Variants in RIMS2 observed in about 807,000 individuals in gnomAD.
RIMS2 encodes the protein regulating synaptic membrane exocytosis 2.
In RIMS2, 59 loss-of-function variants were observed where a neutral mutation model predicts 174.4. The observed-to-expected ratio is 0.34, with a 90% CI of 0.27 to 0.42. The LOEUF (loss-of-function observed/expected upper bound fraction) is 0.42. Among genes scored for constraint, RIMS2 ranks in the 10% least tolerant of loss-of-function variants. The probability of loss-of-function intolerance (pLI) is 1.00; values close to 1 mark genes in which losing one functional copy is unlikely to be tolerated. For synonymous variants in RIMS2, 606 were observed against 572.5 expected (o/e 1.06, Z -0.84); for missense variants, 1,620 against 1,666.3 (o/e 0.97, Z 0.48).
exon 4 of RIMS2, chr8:103,886,016 A>G: frequency 6.2e-7 from 1 of 1,613,090 alleles, no homozygotes; most frequent in Non-Finnish European, 8.5e-7. Flanking sequence ...AAAACGGGAA[A>G]AAATGGAAAC....
intron 1 of RIMS2, among the ~76,000 whole-genome samples, chr8:103,581,298 C>T (rs188449662): frequency 8.5e-5 from 13 of 152,222 alleles, no homozygotes; most frequent in African/African-American, 2.9e-4. Context: ...AAGTGGGATT[C>T]GTCCCAGGGA....
At chr8:104,248,900 T>TCTCTCTCTCTCTTTCCCTCTCTCTCTCC in intron 21 of RIMS2, 87 bp downstream of exon 27, 1 of 680,420 alleles carries the variant, frequency 1.5e-6, no homozygotes, top group East Asian at 2.7e-5. Context: ...CTTCTCTCTC[T>TCTCTCTCTCTCTTTCCCTCTCTCTCTCC]CTCTCTCTCT....
chr8:103,611,733 A>G (rs1166990242), intron 1 of RIMS2, among the ~76,000 whole-genome samples: 3 of 150,666 alleles, frequency 2.0e-5, no homozygotes, highest in African/African-American at 7.3e-5. Flanking sequence ...GAGTTTGCTT[A>G]TTTAAATGCC....
At chr8:103,609,956 T>C (rs2095309273) in intron 1 of RIMS2, among the ~76,000 whole-genome samples, 1 of 152,208 alleles carries the variant, frequency 6.6e-6, no homozygotes, top group African/African-American at 2.4e-5. Context: ...ATTATTCCCA[T>C]CCATGAGTAC....
intron 1 of RIMS2, among the ~76,000 whole-genome samples, chr8:103,513,530 C>A (rs550704534): frequency 6.6e-6 from 1 of 152,092 alleles, no homozygotes; most frequent in Non-Finnish European, 1.5e-5. Flanking sequence ...ATTGATATTT[C>A]TCTCGTGAAA....
At chr8:103,976,970 G>A (rs1000708231) in intron 16 of RIMS2, 1 of 152,170 alleles carries the variant, frequency 6.6e-6, no homozygotes. Flanking sequence ...GGAAATAATA[G>A]TTGAAGCTAA....
At chr8:104,095,570 T>A (rs2097746529) in intron 19 of RIMS2, among the ~76,000 whole-genome samples, 1 of 152,164 alleles carries the variant, frequency 6.6e-6, no homozygotes, top group Admixed American at 6.5e-5. Flanking sequence ...ATTATATATA[T>A]TACATACAGT....
chr8:103,850,223 A>G (rs551602862), intron 3 of RIMS2, among the ~76,000 whole-genome samples: 2 of 152,176 alleles, frequency 1.3e-5, no homozygotes, highest in South Asian at 4.1e-4. Flanking sequence ...ATTACATATG[A>G]CCGTATATTA....
chr8:103,519,861 T>G (rs193265625), intron 1 of RIMS2, among the ~76,000 whole-genome samples: 1 of 152,146 alleles, frequency 6.6e-6, no homozygotes, highest in East Asian at 1.9e-4. Context: ...AGAAACCCTG[T>G]ATTCATCTGG....
At chr8:103,682,882 A>T (rs542225547) in intron 1 of RIMS2, among the ~76,000 whole-genome samples, 76 of 152,234 alleles carry the variant, frequency 5.0e-4, no homozygotes, top group African/African-American at 1.8e-3. Context: ...TGCAGCCTTG[A>T]TAGTGCTGCA....
At chr8:103,792,637 GTTTTT>G (rs57893772) in intron 3 of RIMS2, among the ~76,000 whole-genome samples, 1 of 137,574 alleles carries the variant, frequency 7.3e-6, no homozygotes. Flanking sequence ...CCAGGAGCTG[GTTTTT>G]TTTTTTTTTT....
At chr8:104,068,907 T>A (rs1001853352) in intron 19 of RIMS2, among the ~76,000 whole-genome samples, 9 of 152,198 alleles carry the variant, frequency 5.9e-5, no homozygotes, top group Non-Finnish European at 1.0e-4. Context: ...ACTTAAATGA[T>A]CTTATGGTTT....
intron 4 of RIMS2, among the ~76,000 whole-genome samples, chr8:103,900,631 G>T (rs1267029426): frequency 6.6e-6 from 1 of 152,074 alleles, no homozygotes; most frequent in Non-Finnish European, 1.5e-5. Context: ...TTTAAAAGTG[G>T]GGTTATGATG....
At chr8:104,076,047 T>C (rs1199986193) in intron 19 of RIMS2, among the ~76,000 whole-genome samples, 4 of 152,324 alleles carry the variant, frequency 2.6e-5, no homozygotes, top group South Asian at 2.1e-4. Context: ...GTATTTCCTT[T>C]ATCAAGTATA....
chr8:103,713,514 A>G (rs1255992537), intron 2 of RIMS2, among the ~76,000 whole-genome samples: 1 of 152,068 alleles, frequency 6.6e-6, no homozygotes, highest in Non-Finnish European at 1.5e-5. Flanking sequence ...GAATCATCTC[A>G]GATTTCTTTC....
intron 3 of RIMS2, among the ~76,000 whole-genome samples, chr8:103,848,944 C>G (rs1020431926): frequency 6.6e-6 from 1 of 152,006 alleles, no homozygotes; most frequent in Admixed American, 6.6e-5. Context: ...GACTCTCATA[C>G]TTTGATTTAT....
intron 1 of RIMS2, among the ~76,000 whole-genome samples, chr8:103,522,998 G>A (rs1474408284): frequency 2.0e-5 from 3 of 152,072 alleles, no homozygotes; most frequent in Non-Finnish European, 2.9e-5. Flanking sequence ...GGGAATTTTA[G>A]AATCATAGTA....
intron 19 of RIMS2, among the ~76,000 whole-genome samples, chr8:104,118,769 A>C (rs1225934792): frequency 1.3e-5 from 2 of 152,126 alleles, no homozygotes. Context: ...CGGTTCTGGG[A>C]GGCTTGTGCC....
intron 10 of RIMS2, among the ~76,000 whole-genome samples, chr8:103,925,908 A>G (rs888891975): frequency 6.6e-6 from 1 of 151,572 alleles, no homozygotes; most frequent in Non-Finnish European, 1.5e-5. Flanking sequence ...ATGTTTTGTG[A>G]ATTTTACCTT....
Sources: allele counts gnomAD v4.1 joint callset (sites outside exome capture counted in the v4.1 genomes callset), GRCh38; gene constraint gnomAD v4.1.1; transcripts MANE v1.5; gene names NCBI Gene and HGNC (gene_info 2026-07-23, HGNC 2026-07-21).